ACTR3C: variants seen among roughly 807,000 people sequenced by gnomAD.
ACTR3C encodes the protein actin-related protein 3C.
In ACTR3C, 18 loss-of-function variants were observed where a neutral mutation model predicts 26.3. The observed-to-expected ratio is 0.68, with a 90% CI of 0.47 to 1.01. The LOEUF is 1.01. ACTR3C is among the 50% of genes least tolerant of loss of function. The pLI is 0.00. For synonymous variants in ACTR3C, 55 were observed against 94.5 expected, an observed-to-expected ratio of 0.58 and a Z score of 2.42; for missense variants, 184 against 250.7, an observed-to-expected ratio of 0.73 and a Z score of 1.80.
chr7:150,264,706 C>A (rs1362199845), intron 6 of ACTR3C: 1 of 969,144 alleles, frequency 1.0e-6, no homozygotes, highest in East Asian at 1.1e-4. Flanking sequence ...CAGCAACGGA[C>A]CCCACTTGGC....
the ACTR3C span, among the ~76,000 whole-genome samples, chr7:150,196,691 T>G: frequency 1.3e-5 from 2 of 152,174 alleles, no homozygotes; most frequent in Non-Finnish European, 2.9e-5. Context: ...GAAATTGGCT[T>G]TTTTTTCCTA....
chr7:150,126,635 C>T, the ACTR3C span, among the ~76,000 whole-genome samples: 4 of 152,196 alleles, frequency 2.6e-5, no homozygotes, highest in Non-Finnish European at 5.9e-5. Context: ...TGCAATCCTG[C>T]AGTGCCTTTA....
chr7:150,058,735 T>G, the ACTR3C span, among the ~76,000 whole-genome samples: 7 of 152,040 alleles, frequency 4.6e-5, no homozygotes, highest in Non-Finnish European at 7.4e-5. Flanking sequence ...GCCAACATGG[T>G]GAAACCTCGG....
At chr7:149,898,501 C>T in the ACTR3C span, among the ~76,000 whole-genome samples, 3,239 of 152,130 alleles carry the variant, frequency 0.021, 105 homozygotes, top group African/African-American at 0.073. Flanking sequence ...GTCAAGAGAT[C>T]GAGACCATCC....
chr7:150,017,873 A>G, the ACTR3C span, among the ~76,000 whole-genome samples: 1 of 150,182 alleles, frequency 6.7e-6, no homozygotes, highest in African/African-American at 2.5e-5. Flanking sequence ...CTTCCCTTCA[A>G]TAGCTCCCAC....
At chr7:150,264,418 A>G (rs1047108427) in intron 6 of ACTR3C, among the ~76,000 whole-genome samples, 2 of 152,232 alleles carry the variant, frequency 1.3e-5, no homozygotes, top group Non-Finnish European at 2.9e-5. Context: ...TGTGCCATCA[A>G]GGTGCTTCTG....
At chr7:150,087,881 C>T in the ACTR3C span, among the ~76,000 whole-genome samples, 1 of 152,136 alleles carries the variant, frequency 6.6e-6, no homozygotes, top group Non-Finnish European at 1.5e-5. Context: ...AGGAAACTGC[C>T]AATAACTAGG....
At chr7:150,182,964 A>G in the ACTR3C span, among the ~76,000 whole-genome samples, 1 of 150,972 alleles carries the variant, frequency 6.6e-6, no homozygotes, top group Non-Finnish European at 1.5e-5. Flanking sequence ...CTACAATTAA[A>G]TTTATGCTAA....
At chr7:149,953,601 T>C in the ACTR3C span, among the ~76,000 whole-genome samples, 1 of 152,186 alleles carries the variant, frequency 6.6e-6, no homozygotes, top group Non-Finnish European at 1.5e-5. Context: ...TGTTAGAACT[T>C]TCAGGATTGG....
the ACTR3C span, among the ~76,000 whole-genome samples, chr7:150,031,849 G>C: frequency 6.6e-6 from 1 of 152,142 alleles, no homozygotes; most frequent in South Asian, 2.1e-4. Context: ...TGCTGGTTGT[G>C]TTTTCCTTGG....
chr7:150,206,633 G>A, the ACTR3C span, among the ~76,000 whole-genome samples: 1 of 151,952 alleles, frequency 6.6e-6, no homozygotes, highest in Non-Finnish European at 1.5e-5. Context: ...TGTTGGTCAG[G>A]CTGGTCTCAA....
the ACTR3C span, among the ~76,000 whole-genome samples, chr7:149,989,299 T>C: frequency 3.8e-3 from 582 of 152,332 alleles, 5 homozygotes; most frequent in African/African-American, 0.013. Flanking sequence ...TGTGGGTGTG[T>C]GGTACAAATA....
chr7:150,120,205 G>C, the ACTR3C span, among the ~76,000 whole-genome samples: 1 of 152,292 alleles, frequency 6.6e-6, no homozygotes, highest in South Asian at 2.1e-4. Context: ...ACATTCAAAA[G>C]CTAGCAGAAG....
the ACTR3C span, among the ~76,000 whole-genome samples, chr7:149,988,573 G>A: frequency 6.6e-6 from 1 of 152,232 alleles, no homozygotes; most frequent in Admixed American, 6.5e-5. Flanking sequence ...AGGAAAGAAG[G>A]CTCAGAGATG....
At position 150,278,272 on chromosome 7, in the gene ACTR3C, G is replaced by A. The variant is rs183973612; in HGVS notation, c.564+6481C>T. Among the ~76,000 whole-genome samples the A allele has an allele frequency of 7.6e-4, 115 of 152,294 alleles. 1 individual carries two copies. Among genetic ancestry groups the A allele is most frequent in the Non-Finnish European group, 1.3e-3 (89 of 68,028 alleles). Reference sequence around the variant, plus strand: ...ACTCCGACCTGAGTTGATCTGAGTCGTCCTGTAGGATGGCCGTCAGCCACA... The same window carrying A: ...ACTCCGACCTGAGTTGATCTGAGTCATCCTGTAGGATGGCCGTCAGCCACA... On this transcript the variant is annotated intron_variant, in intron 6 of 7. Transcript: ENST00000683684.
At chr7:150,295,408 C>A (rs1836659635) in intron 1 of ACTR3C, 61 bp from the exon 2 acceptor site, 4 of 1,536,988 alleles carry the variant, frequency 2.6e-6, no homozygotes, top group Non-Finnish European at 2.7e-6. Flanking sequence ...TACATCAGAA[C>A]CATAAACAGG....
At chr7:149,965,144 G>T in the ACTR3C span, among the ~76,000 whole-genome samples, 1 of 149,924 alleles carries the variant, frequency 6.7e-6, no homozygotes, top group South Asian at 2.2e-4. Context: ...TCATGAAATT[G>T]TTTATTCTTT....
chr7:149,946,500 G>C, the ACTR3C span, among the ~76,000 whole-genome samples: 1 of 151,956 alleles, frequency 6.6e-6, no homozygotes, highest in East Asian at 1.9e-4. Flanking sequence ...GGTCCCAGAG[G>C]TCAGCAGGTT....
At chr7:150,017,401 G>GACGAGGA in the ACTR3C span, among the ~76,000 whole-genome samples, 2 of 150,700 alleles carry the variant, frequency 1.3e-5, no homozygotes, top group African/African-American at 2.5e-5. Flanking sequence ...CTATATCACA[G>GACGAGGA]ACCAGGTCCA....
Sources: allele counts gnomAD v4.1 joint callset (sites outside exome capture counted in the v4.1 genomes callset), GRCh38; gene constraint gnomAD v4.1.1; transcripts MANE v1.5; gene names NCBI Gene and HGNC (gene_info 2026-07-23, HGNC 2026-07-21).